The following FOXP2 variants were observed in gnomAD, a reference collection of about 807,000 sequenced individuals.
FOXP2 encodes the protein forkhead box P2.
Under a neutral mutation model 115.8 loss-of-function variants are expected in FOXP2, and 12 were observed. The ratio of observed to expected loss-of-function variants is 0.10; its 90% confidence interval spans 0.07 to 0.17. FOXP2 has a LOEUF of 0.17. Ranked by LOEUF, FOXP2 falls within the 10% of genes least tolerant of loss-of-function variation. FOXP2 has a pLI of 1.00. For missense variants in FOXP2, 629 were observed against 843.5 expected (o/e 0.75, Z 3.15); for synonymous variants, 328 against 297.7 (o/e 1.10, Z -1.05).
At chr7:114,129,840 A>C (rs901503169) in intron 1 of FOXP2, among the ~76,000 whole-genome samples, 58 of 152,258 alleles carry the variant, frequency 3.8e-4, no homozygotes, top group Non-Finnish European at 7.5e-4. Context: ...AGAAATAAAA[A>C]TATTAAAATA....
intron 1 of FOXP2, among the ~76,000 whole-genome samples, chr7:114,248,363 A>G (rs1312453468): frequency 6.6e-6 from 1 of 152,200 alleles, no homozygotes; most frequent in Non-Finnish European, 1.5e-5. Context: ...CCTCAGAGAC[A>G]CACCCAGAAA....
At position 114,581,616 on chromosome 7, in the gene FOXP2, A is replaced by G. The variant is rs548388111; in HGVS notation, c.258+46910A>G. 3.9e-5 allele frequency among the ~76,000 whole-genome samples: 6 copies of G among 152,302 alleles called. 1 individual carries two copies. In the East Asian group the frequency reaches 1.2e-3, roughly 29 times the overall value. On this transcript the variant is annotated intron_variant, in intron 3 of 16. Coordinates refer to ENST00000350908, the MANE Select transcript of FOXP2 (RefSeq NM_014491.4). ...ACTGTTCAACCTATACTGACACATC[A>G]TTATCTCCCTGAGTCCATAGATTAC...
At chr7:114,114,493 G>A (rs1229024490) in intron 1 of FOXP2, among the ~76,000 whole-genome samples, 1 of 152,016 alleles carries the variant, frequency 6.6e-6, no homozygotes, top group African/African-American at 2.4e-5. Flanking sequence ...AACTCCGTGA[G>A]TTTGATTATG....
At chr7:114,185,967 C>T (rs919173310) in intron 1 of FOXP2, among the ~76,000 whole-genome samples, 1 of 151,578 alleles carries the variant, frequency 6.6e-6, no homozygotes, top group African/African-American at 2.4e-5. Context: ...TTTGCTATGG[C>T]ATCACGTGGA....
At chr7:114,478,759 A>G (rs1796396464) in intron 2 of FOXP2, among the ~76,000 whole-genome samples, 1 of 151,788 alleles carries the variant, frequency 6.6e-6, no homozygotes, top group South Asian at 2.1e-4. Context: ...ATCTCCCTAA[A>G]TTCCCTTTCC....
At chr7:114,483,119 T>C (rs1244505351) in intron 2 of FOXP2, among the ~76,000 whole-genome samples, 2 of 151,496 alleles carry the variant, frequency 1.3e-5, no homozygotes, top group African/African-American at 4.8e-5. Flanking sequence ...TTTCTTTTCT[T>C]TTTTTTTCCA....
At chr7:114,307,947 G>A (rs982954331) in intron 2 of FOXP2, among the ~76,000 whole-genome samples, 1 of 152,050 alleles carries the variant, frequency 6.6e-6, no homozygotes, top group East Asian at 1.9e-4. Flanking sequence ...TACTTAAATG[G>A]ACCATATGAT....
At chr7:114,676,633 G>T (rs528080732) in intron 16 of FOXP2, among the ~76,000 whole-genome samples, 6 of 152,184 alleles carry the variant, frequency 3.9e-5, no homozygotes, top group South Asian at 2.1e-4. Context: ...AGGTGACAAG[G>T]CTAATCATAT....
At chr7:114,650,925 T>C (rs1806212845) in intron 8 of FOXP2, among the ~76,000 whole-genome samples, 1 of 152,076 alleles carries the variant, frequency 6.6e-6, no homozygotes, top group African/African-American at 2.4e-5. Context: ...AAACAAAGGT[T>C]TCTGATTGTT....
intron 3 of FOXP2, among the ~76,000 whole-genome samples, chr7:114,611,422 C>T (rs1418282970): frequency 6.6e-6 from 1 of 152,130 alleles, no homozygotes. Context: ...TTCCACATAA[C>T]ATTTCTTCAT....
chr7:114,156,539 A>T (rs993401877), intron 1 of FOXP2, among the ~76,000 whole-genome samples: 1 of 152,140 alleles, frequency 6.6e-6, no homozygotes, highest in Non-Finnish European at 1.5e-5. Context: ...ACCCATTCCC[A>T]CTTTGTGTTG....
rs142631081 is a variant in FOXP2, at chr7:114,099,232, C to G, written c.-247+11394C>G. On this transcript the variant is annotated intron_variant, in intron 1 of 19. Transcript: ENST00000635638. ...TAACAAGACCCGAATAGACATTTCT[C>G]CAAAGAAGACAAAGAAATGGCCAAC... Among the ~76,000 whole-genome samples the G allele has an allele frequency of 3.9e-5, 6 of 152,186 alleles. No homozygotes were observed. In the East Asian group the frequency reaches 9.7e-4, roughly 24 times the overall value.
At chr7:114,145,296 T>C (rs1792333620) in intron 1 of FOXP2, among the ~76,000 whole-genome samples, 1 of 152,172 alleles carries the variant, frequency 6.6e-6, no homozygotes, top group South Asian at 2.1e-4. Context: ...CTGCTTTTAA[T>C]TTTTTATGTA....
intron 1 of FOXP2, among the ~76,000 whole-genome samples, chr7:114,222,461 T>C: frequency 6.6e-6 from 1 of 152,228 alleles, no homozygotes; most frequent in East Asian, 1.9e-4. Context: ...ATGTTCATTT[T>C]CTTATCCATT....
At chr7:114,434,191 G>C (rs1321021831) in intron 2 of FOXP2, among the ~76,000 whole-genome samples, 1 of 151,572 alleles carries the variant, frequency 6.6e-6, no homozygotes, top group Non-Finnish European at 1.5e-5. Context: ...AATTGTTTTT[G>C]AATAGCTTTC....
intron 3 of FOXP2, among the ~76,000 whole-genome samples, chr7:114,604,601 G>A (rs1220583288): frequency 6.6e-6 from 1 of 152,070 alleles, no homozygotes; most frequent in African/African-American, 2.4e-5. Context: ...AATAAATATG[G>A]TTTTCTTCAT....
chr7:114,582,947 T>C (rs1220312233), intron 3 of FOXP2, among the ~76,000 whole-genome samples: 2 of 152,164 alleles, frequency 1.3e-5, no homozygotes, highest in East Asian at 3.8e-4. Flanking sequence ...AGATAACATC[T>C]TTATATACAA....
chr7:114,412,066 T>A (rs548765597), upstream of FOXP2, among the ~76,000 whole-genome samples: 4 of 152,200 alleles, frequency 2.6e-5, no homozygotes, highest in African/African-American at 9.6e-5. Flanking sequence ...TGCTAATAGG[T>A]CATCTCATGT....
At chr7:114,631,426 A>C in intron 5 of FOXP2, 102 bp from the exon 6 acceptor site, 1 of 1,536,398 alleles carries the variant, frequency 6.5e-7, no homozygotes, top group Non-Finnish European at 8.8e-7. Flanking sequence ...ATGACCAAAA[A>C]ACCCACTCAG....
Sources: allele counts gnomAD v4.1 joint callset (sites outside exome capture counted in the v4.1 genomes callset), GRCh38; gene constraint gnomAD v4.1.1; transcripts MANE v1.5; gene names NCBI Gene and HGNC (gene_info 2026-07-23, HGNC 2026-07-21).